Variants in EXOC4 observed in about 807,000 individuals in gnomAD.
The protein encoded by EXOC4 is SEC8-like 1.
A neutral mutation model predicts 107.2 loss-of-function variants in EXOC4; 71 were observed. The ratio of observed to expected loss-of-function variants is 0.66; its 90% confidence interval spans 0.55 to 0.81. EXOC4 has a LOEUF of 0.81. Ranked by LOEUF, EXOC4 falls within the 30% of genes least tolerant of loss-of-function variation. The probability of loss-of-function intolerance (pLI) is 0.00; values close to 1 mark genes in which losing one functional copy is unlikely to be tolerated. For missense variants in EXOC4, 1,108 were observed against 1,189.6 expected (o/e 0.93, Z 1.01); for synonymous variants, 456 against 441.2 (o/e 1.03, Z -0.42).
chr7:133,889,123 GT>G (rs909953337), intron 11 of EXOC4, among the ~76,000 whole-genome samples: 4 of 152,102 alleles, frequency 2.6e-5, no homozygotes, highest in African/African-American at 9.7e-5. Flanking sequence ...ATCATGGAAG[GT>G]TTTTTCTTTG....
At chr7:133,854,585 G>A (rs527696635) in intron 11 of EXOC4, among the ~76,000 whole-genome samples, 20 of 152,038 alleles carry the variant, frequency 1.3e-4, no homozygotes, top group African/African-American at 4.6e-4. Flanking sequence ...TCGGAGCCTC[G>A]GGAATTCAAT....
intron 9 of EXOC4, among the ~76,000 whole-genome samples, chr7:133,622,857 G>A (rs1802367053): frequency 6.6e-6 from 1 of 152,088 alleles, no homozygotes; most frequent in Non-Finnish European, 1.5e-5. Flanking sequence ...AACATAAAAT[G>A]ATACTAAGCA....
intron 7 of EXOC4, among the ~76,000 whole-genome samples, chr7:133,409,278 G>T (rs551480400): frequency 6.6e-6 from 1 of 152,270 alleles, no homozygotes; most frequent in Non-Finnish European, 1.5e-5. Flanking sequence ...GAATTTAGCT[G>T]TATTAGGTTT....
intron 10 of EXOC4, among the ~76,000 whole-genome samples, chr7:133,724,342 G>C (rs1375989220): frequency 1.3e-5 from 2 of 152,228 alleles, no homozygotes; most frequent in Non-Finnish European, 1.5e-5. Flanking sequence ...AGCAAGGTCA[G>C]TGCAGCAAAG....
intron 14 of EXOC4, among the ~76,000 whole-genome samples, chr7:133,980,594 A>C (rs1246400265): frequency 6.6e-6 from 1 of 152,268 alleles, no homozygotes; most frequent in Non-Finnish European, 1.5e-5. Flanking sequence ...GTATGTAAGA[A>C]TTTGGTTCTT....
rs921061298 is a variant in EXOC4, at chr7:134,017,946, G to A, written c.2687+10111G>A. ...ACACTCTTCCCTTTGTAGCACATGT[G>A]CTGGAATTGGAATGATTCAGAGATT... On this transcript the variant is annotated intron_variant, in intron 17 of 17. Coordinates refer to ENST00000253861, the MANE Select transcript of EXOC4 (RefSeq NM_021807.4). 3.9e-5 allele frequency among the ~76,000 whole-genome samples: 6 copies of A among 152,174 alleles called. No individual in the cohort carries two copies. The East Asian group carries it at 1.2e-3, about 29-fold the overall frequency.
chr7:133,991,632 G>C (rs1288427676), intron 14 of EXOC4, among the ~76,000 whole-genome samples: 1 of 152,052 alleles, frequency 6.6e-6, no homozygotes, highest in Non-Finnish European at 1.5e-5. Flanking sequence ...TTTTTAATAA[G>C]TTAAAAAATG....
intron 10 of EXOC4, among the ~76,000 whole-genome samples, chr7:133,663,754 C>G (rs777100646): frequency 1.2e-4 from 18 of 152,172 alleles, no homozygotes; most frequent in Non-Finnish European, 2.6e-4. Context: ...AAGCTGTCAA[C>G]ATCTCTTGCC....
intron 9 of EXOC4, among the ~76,000 whole-genome samples, chr7:133,549,703 A>G (rs1800550489): frequency 6.6e-6 from 1 of 152,196 alleles, no homozygotes; most frequent in South Asian, 2.1e-4. Context: ...CAATTTGTAA[A>G]AAATGCAATA....
intron 10 of EXOC4, among the ~76,000 whole-genome samples, chr7:133,728,688 C>T (rs1795265475): frequency 6.6e-6 from 1 of 152,128 alleles, no homozygotes; most frequent in Non-Finnish European, 1.5e-5. Flanking sequence ...GCTCTTACCC[C>T]ATTTCATTAT....
chr7:133,502,620 G>A (rs1437611980), intron 9 of EXOC4, among the ~76,000 whole-genome samples: 1 of 152,014 alleles, frequency 6.6e-6, no homozygotes, highest in African/African-American at 2.4e-5. Flanking sequence ...GTTATGTCAA[G>A]CCATAGATGA....
intron 10 of EXOC4, among the ~76,000 whole-genome samples, chr7:133,637,232 C>T (rs1369922080): frequency 6.6e-6 from 1 of 152,110 alleles, no homozygotes; most frequent in Non-Finnish European, 1.5e-5. Flanking sequence ...TTATTTTATA[C>T]TTTTTGTTTT....
intron 7 of EXOC4, among the ~76,000 whole-genome samples, chr7:133,386,178 A>G (rs1796722198): frequency 6.6e-6 from 1 of 152,206 alleles, no homozygotes. Context: ...AGATTGGTCT[A>G]AGCCTTTGCA....
chr7:133,777,279 AAGAGAGAGAGAGAGAGAG>A lies in EXOC4; in HGVS notation c.1515-40020_1515-40003del, dbSNP rs151199039. On this transcript the variant is annotated intron_variant, in intron 10 of 17. Transcript: ENST00000253861. ...CTGTGCTTAGTCTAAGAGAGAGAGAAAGAGAGAGAGAGAGAGAGAGAGAGAGAGAGAGAGAGAGAGAGA... is the reference window on the plus strand; with the variant it reads ...CTGTGCTTAGTCTAAGAGAGAGAGAAAGAGAGAGAGAGAGAGAGAGAGAGA... Among the ~76,000 whole-genome samples, 4 of 1,786 alleles carry A rather than the reference AAGAGAGAGAGAGAGAGAG, an allele frequency of 2.2e-3. No individual in the cohort carries two copies. In the Admixed American group the frequency reaches 0.036, roughly 16 times the overall value. 1.2% of individuals were successfully genotyped at this position (1,786 alleles called of 152,430 possible).
At chr7:134,081,671 G>A in the EXOC4 span, among the ~76,000 whole-genome samples, 5 of 152,204 alleles carry the variant, frequency 3.3e-5, no homozygotes, top group East Asian at 1.9e-4. Context: ...ATGGGAGGGC[G>A]TAAGAGGAAG....
intron 3 of EXOC4, among the ~76,000 whole-genome samples, chr7:133,293,727 A>G (rs909421062): frequency 1.3e-5 from 2 of 152,232 alleles, no homozygotes; most frequent in African/African-American, 4.8e-5. Context: ...AATTGTCATG[A>G]CAGGGAATGT....
At chr7:133,610,814 CTTT>C (rs67695705) in intron 9 of EXOC4, among the ~76,000 whole-genome samples, 2 of 139,784 alleles carry the variant, frequency 1.4e-5, no homozygotes, top group Admixed American at 7.2e-5. Context: ...TTCTTTTTTA[CTTT>C]TTTTTTTTTT....
In EXOC4 at chr7:133,767,054, C is replaced by G. The variant is rs1326905525; in HGVS notation, c.1515-50271C>G. Among the ~76,000 whole-genome samples the G allele has an allele frequency of 2.0e-5, 3 of 151,874 alleles. No homozygotes were observed. In the East Asian group the frequency reaches 5.8e-4, roughly 29 times the overall value. ...CGGGGAACTCTGATTTCCATAGCTG[C>G]TCCTTCTTTTTGCATGCATACTTGC... On this transcript the variant is annotated intron_variant, in intron 10 of 17. Coordinates refer to ENST00000253861, the MANE Select transcript of EXOC4 (RefSeq NM_021807.4).
chr7:133,662,142 G>T (rs1025439704), intron 10 of EXOC4, among the ~76,000 whole-genome samples: 3 of 152,118 alleles, frequency 2.0e-5, no homozygotes, highest in African/African-American at 7.2e-5. Flanking sequence ...GTTAGGGCGA[G>T]ATTCAAAGGC....
Sources: gnomAD v4.1 joint callset for allele counts (sites outside exome capture counted in the v4.1 genomes callset) on GRCh38, gnomAD v4.1.1 for gene constraint, MANE v1.5 for transcripts, NCBI Gene and HGNC (gene_info 2026-07-23, HGNC 2026-07-21) for gene names.